Variants in ARMC3 observed in about 807,000 individuals in gnomAD.
ARMC3 encodes the protein armadillo repeat-containing protein 3.
A neutral mutation model predicts 90.3 loss-of-function variants in ARMC3; 74 were observed. The observed-to-expected ratio is 0.82, with a 90% CI of 0.68 to 0.99. ARMC3 has a LOEUF of 0.99. Ranked by LOEUF, ARMC3 falls within the 50% of genes least tolerant of loss-of-function variation. ARMC3 has a pLI of 0.00. For synonymous variants in ARMC3, 334 were observed against 361.8 expected (o/e 0.92, Z 0.87); for missense variants, 958 against 1,042.8 (o/e 0.92, Z 1.12).
At chr10:22,973,857 C>G (rs1055551643) in intron 8 of ARMC3, among the ~76,000 whole-genome samples, 2 of 141,548 alleles carry the variant, frequency 1.4e-5, no homozygotes, top group African/African-American at 5.4e-5. Flanking sequence ...CTCCCAGATT[C>G]TCACCATTCT....
intron 14 of ARMC3, 54 bp from the exon 15 acceptor site, chr10:23,008,220 CAT>C (rs1837723010): frequency 3.3e-6 from 3 of 901,932 alleles, no homozygotes; most frequent in Admixed American, 6.4e-5. Flanking sequence ...GGAATAAAAC[CAT>C]CTGTTGACAA....
In ARMC3 at chr10:22,960,110, CA is replaced by C. The variant is rs945212811; in HGVS notation, c.537+537del. On this transcript the variant is annotated intron_variant, in intron 6 of 18. Coordinates refer to ENST00000298032, the MANE Select transcript of ARMC3 (RefSeq NM_173081.5). ...AAACTGCCAACCTTCCCCTCCCCTG[CA>C]GTCCTGTCCTTTGCACCCCAACCCC... 1.0e-5 allele frequency: 3 copies of C among 289,020 alleles called. No homozygotes were observed. In the Admixed American group the frequency reaches 1.5e-4, roughly 15 times the overall value. 17.9% of individuals were successfully genotyped at this position (289,020 alleles called of 1,614,324 possible). A position where few individuals can be genotyped will look rare whatever the true frequency, so the allele number is the denominator to read the frequency against.
chr10:22,961,784 A>G, intron 6 of ARMC3, 100 bp from the exon 7 acceptor site: 1 of 1,027,790 alleles, frequency 9.7e-7, no homozygotes, highest in Non-Finnish European at 1.4e-6. Flanking sequence ...AAAGATGGGC[A>G]AATTATAACT....
intron 8 of ARMC3, among the ~76,000 whole-genome samples, chr10:22,970,727 A>G (rs145313122): frequency 1.3e-5 from 2 of 152,126 alleles, no homozygotes; most frequent in Non-Finnish European, 2.9e-5. Flanking sequence ...TTGAATGACT[A>G]TGTTGGTTGA....
intron 16 of ARMC3, among the ~76,000 whole-genome samples, chr10:23,012,391 C>G (rs1022193237): frequency 6.6e-6 from 1 of 152,086 alleles, no homozygotes; most frequent in Non-Finnish European, 1.5e-5. Flanking sequence ...TCAATGTTCT[C>G]CAGGAGTAGT....
intron 16 of ARMC3, among the ~76,000 whole-genome samples, chr10:23,016,406 T>C (rs1022720374): frequency 1.3e-5 from 2 of 152,324 alleles, no homozygotes; most frequent in East Asian, 3.9e-4. Context: ...GTTTACCTGC[T>C]CTCCTTTTCA....
At chr10:23,023,400 G>A (rs916984854) in intron 16 of ARMC3, among the ~76,000 whole-genome samples, 14 of 152,264 alleles carry the variant, frequency 9.2e-5, no homozygotes, top group Admixed American at 2.6e-4. Flanking sequence ...GAGAGCCAGA[G>A]TTTCCCAATA....
chr10:23,014,053 TC>T (rs1429574480), intron 16 of ARMC3: 13 of 1,540,260 alleles, frequency 8.4e-6, no homozygotes, highest in Non-Finnish European at 3.5e-6. Flanking sequence ...AATTATTCCT[TC>T]TTTGTACTGT....
At chr10:23,028,327 T>C (rs1290009993) in intron 16 of ARMC3, among the ~76,000 whole-genome samples, 1 of 151,214 alleles carries the variant, frequency 6.6e-6, no homozygotes, top group African/African-American at 2.4e-5. Flanking sequence ...TCCAAAATTA[T>C]ATTTTTATGT....
intron 13 of ARMC3, among the ~76,000 whole-genome samples, chr10:23,006,016 G>A (rs1837593774): frequency 6.6e-6 from 1 of 152,158 alleles, no homozygotes; most frequent in African/African-American, 2.4e-5. Context: ...CACTGAGAGG[G>A]TGATCATTTC....
chr10:22,944,159 C>T (rs1834432029), intron 2 of ARMC3, among the ~76,000 whole-genome samples: 1 of 152,102 alleles, frequency 6.6e-6, no homozygotes, highest in Non-Finnish European at 1.5e-5. Context: ...ACAACCTAGC[C>T]AGACATAAAA....
rs894175967 is a variant in ARMC3 at position 23,008,298 on chromosome 10, G to A, written c.1852G>A (p.Asp618Asn). 1 of 1,545,786 alleles carries A rather than the reference G, an allele frequency of 6.5e-7. No homozygotes were observed. The highest frequency in any genetic ancestry group is 8.8e-7 in the Non-Finnish European group (1 of 1,133,674). The change falls in exon 15 of 19, where the codon GAT (aspartate) becomes AAT (asparagine). Residue 618 changes from aspartate (D) to asparagine (N), a missense_variant. By Grantham distance (23) the Asp-to-Asn change is conservative. Coordinates refer to ENST00000298032, the MANE Select transcript of ARMC3 (RefSeq NM_173081.5). ...TAGTTCTCCACCTTCATCTATGGAAGATAAATCAGATGTTGGTTATGGACG... is the reference window on the plus strand; with the variant it reads ...TAGTTCTCCACCTTCATCTATGGAAAATAAATCAGATGTTGGTTATGGACG... ...SYVSPPSSME[D>N]KSDVGYGRSI...
rs780165498 is a variant in ARMC3 at position 22,998,306 on chromosome 10, T to G, written c.1334T>G (p.Ile445Ser). ...IQNHDIMHAIISPLRSANTVV... is the reference protein window; with the variant it reads ...IQNHDIMHAISSPLRSANTVV... Reference sequence around the variant, plus strand: ...AATCACGACATCATGCATGCCATCATCAGCCCACTGCGTTCTGCAAACACA... The same window carrying G: ...AATCACGACATCATGCATGCCATCAGCAGCCCACTGCGTTCTGCAAACACA... Residue 445 changes from isoleucine to serine, a missense_variant, in exon 11 of 19, where the codon ATC becomes AGC. By Grantham distance (142) the Ile-to-Ser change is moderately radical. Coordinates refer to ENST00000298032, the MANE Select transcript of ARMC3 (RefSeq NM_173081.5). The G allele has an allele frequency of 2.5e-6, 4 of 1,613,096 alleles. 1 individual carries two copies. In the South Asian group the frequency reaches 4.4e-5, roughly 18 times the overall value.
At chr10:22,972,691 G>A (rs1564363449) in intron 8 of ARMC3, among the ~76,000 whole-genome samples, 1 of 151,986 alleles carries the variant, frequency 6.6e-6, no homozygotes, top group Non-Finnish European at 1.5e-5. Context: ...CTCTCTCCAC[G>A]CATGTCCCCA....
rs116399782 is a variant in ARMC3 at position 22,965,100 on chromosome 10, A to G, written c.732+3022A>G. On this transcript the variant is annotated intron_variant, in intron 7 of 18. Transcript: ENST00000298032. ...TTGTGTAGTACCTATCCATATATTC[A>G]TCTATCAATATTTAGTATTTTATAT... Among the ~76,000 whole-genome samples the G allele has an allele frequency of 4.6e-3, 698 of 152,242 alleles. 7 individuals are homozygous for G. The highest frequency in any genetic ancestry group is 0.016 in the African/African-American group (664 of 41,560).
chr10:23,021,020 G>A (rs575724422), intron 16 of ARMC3, among the ~76,000 whole-genome samples: 4 of 152,148 alleles, frequency 2.6e-5, no homozygotes, highest in Admixed American at 2.6e-4. Context: ...ATGTCCATGT[G>A]TATGCAATGT....
intron 18 of ARMC3, among the ~76,000 whole-genome samples, chr10:23,034,509 G>T (rs1414391282): frequency 6.6e-6 from 1 of 152,272 alleles, no homozygotes; most frequent in African/African-American, 2.4e-5. Flanking sequence ...AGATGGAGCT[G>T]AAATTTGAGC....
At chr10:22,969,181 T>C (rs1835576495) in intron 8 of ARMC3, among the ~76,000 whole-genome samples, 2 of 152,192 alleles carry the variant, frequency 1.3e-5, no homozygotes, top group Non-Finnish European at 2.9e-5. Context: ...GTTACATAGC[T>C]GTGAAAAATA....
At chr10:22,941,752 T>G (rs960770012) in intron 2 of ARMC3, among the ~76,000 whole-genome samples, 2 of 152,074 alleles carry the variant, frequency 1.3e-5, no homozygotes, top group African/African-American at 4.8e-5. Context: ...TTCTGAAAAT[T>G]TTGCTGGGTG....
Sources: allele counts gnomAD v4.1 joint callset (sites outside exome capture counted in the v4.1 genomes callset), GRCh38; gene constraint gnomAD v4.1.1; transcripts MANE v1.5; gene names NCBI Gene and HGNC (gene_info 2026-07-23, HGNC 2026-07-21).